TPTE2: variants seen among roughly 807,000 people sequenced by gnomAD.
TPTE2 encodes the protein phosphatidylinositol 3,4,5-trisphosphate 3-phosphatase TPTE2.
Under a neutral mutation model 78.6 loss-of-function variants are expected in TPTE2, and 53 were observed. That is an observed-to-expected ratio of 0.67 (90% confidence interval 0.54 to 0.85). TPTE2 has a LOEUF of 0.85. Ranked by LOEUF, TPTE2 falls within the 40% of genes least tolerant of loss-of-function variation. The pLI is 0.00. For synonymous variants in TPTE2, 175 were observed against 206.2 expected (o/e 0.85, Z 1.30); for missense variants, 461 against 623.0 (o/e 0.74, Z 2.77).
chr13:19,523,996 C>A (rs953195799), intron 1 of TPTE2, among the ~76,000 whole-genome samples: 31 of 152,238 alleles, frequency 2.0e-4, no homozygotes, highest in African/African-American at 7.5e-4. Flanking sequence ...ATAGGAACGT[C>A]AAAATACTTT....
At chr13:19,526,666 A>G (rs1231863641) in intron 1 of TPTE2, among the ~76,000 whole-genome samples, 3 of 152,228 alleles carry the variant, frequency 2.0e-5, no homozygotes, top group African/African-American at 4.8e-5. Context: ...AACCCCCATG[A>G]CACAAAATTT....
intron 1 of TPTE2, among the ~76,000 whole-genome samples, chr13:19,528,384 T>A (rs1349215724): frequency 1.0e-4 from 15 of 147,664 alleles, no homozygotes; most frequent in Middle Eastern, 3.4e-3. Flanking sequence ...CGAAACTCCA[T>A]CTCAAAAAAA....
At chr13:19,435,472 C>T (rs1030982926) in intron 15 of TPTE2, among the ~76,000 whole-genome samples, 17 of 152,074 alleles carry the variant, frequency 1.1e-4, no homozygotes, top group South Asian at 1.0e-3. Context: ...ACGGATGAAA[C>T]GTGGCTGGCG....
At chr13:19,479,429 A>G (rs753421433) in intron 4 of TPTE2, among the ~76,000 whole-genome samples, 4 of 152,190 alleles carry the variant, frequency 2.6e-5, no homozygotes, top group Non-Finnish European at 5.9e-5. Flanking sequence ...TGACTTGCAT[A>G]TCAATAAAAA....
chr13:19,525,930 CA>C (rs1870468004), intron 1 of TPTE2, among the ~76,000 whole-genome samples: 1 of 151,762 alleles, frequency 6.6e-6, no homozygotes, highest in African/African-American at 2.4e-5. Context: ...AGCTAACAAA[CA>C]TGAAAAAATG....
intron 17 of TPTE2, among the ~76,000 whole-genome samples, chr13:19,429,028 T>A (rs1810673224): frequency 6.6e-6 from 1 of 152,220 alleles, no homozygotes; most frequent in Non-Finnish European, 1.5e-5. Flanking sequence ...AGAAACTTCA[T>A]ATATATTATC....
At chr13:19,495,130 A>G (rs893323080) in intron 1 of TPTE2, among the ~76,000 whole-genome samples, 9 of 152,124 alleles carry the variant, frequency 5.9e-5, no homozygotes, top group Admixed American at 3.3e-4. Context: ...CTCATTCTCT[A>G]TCACCTCCAA....
chr13:19,458,650 CT>C, intron 10 of TPTE2: 3 of 494,550 alleles, frequency 6.1e-6, no homozygotes, highest in South Asian at 1.5e-5. Flanking sequence ...GCTTGCCTCC[CT>C]TTTCCACGGT....
At chr13:19,517,475 T>C (rs1483306241) in intron 1 of TPTE2, among the ~76,000 whole-genome samples, 1 of 152,072 alleles carries the variant, frequency 6.6e-6, no homozygotes, top group Non-Finnish European at 1.5e-5. Context: ...TGTCAGTTAG[T>C]GGTCCTTCCA....
intron 7 of TPTE2, 23 bp from the exon 11 acceptor site, chr13:19,465,587 C>A (rs1271120034): frequency 5.8e-6 from 9 of 1,556,510 alleles, no homozygotes; most frequent in Non-Finnish European, 7.8e-6. Flanking sequence ...TTAAAAGATC[C>A]ATTTTTGCTT....
In TPTE2 at chr13:19,535,581, G is replaced by C. The variant is rs1871166187; in HGVS notation, c.-44+1015C>G. Among the ~76,000 whole-genome samples the C allele has an allele frequency of 6.6e-6, 1 of 151,528 alleles. No homozygotes were observed. The highest frequency in any genetic ancestry group is 2.4e-5 in the African/African-American group (1 of 41,278). On this transcript the variant is annotated intron_variant, in intron 1 of 17. Coordinates refer to the TPTE2 transcript ENST00000390680. The surrounding 1 kb of genome is among the most constrained non-coding windows in gnomAD (Gnocchi z 5.1). ...TTTAGATTGATTAATAAGTGACTGA[G>C]GTTCTAAGTAATACTATCTCCAGGA... is the stretch of plus-strand genomic sequence containing the variant.
In TPTE2 at chr13:19,465,395, T is replaced by C. The variant is rs1459940797; in HGVS notation, c.612+70A>G. ...TAAAAAACATTATACAGTATAGATA[T>C]CAACCCTTGCCAATGGGTCCCAAAA... On this transcript the variant is annotated intron_variant, in intron 8 of 19. Transcript: ENST00000400230. 6 of 1,608,968 alleles carry C rather than the reference T, an allele frequency of 3.7e-6. No homozygotes were observed. In the Admixed American group the frequency reaches 5.0e-5, roughly 14 times the overall value.
intron 3 of TPTE2, among the ~76,000 whole-genome samples, chr13:19,487,680 C>A (rs545149890): frequency 2.6e-5 from 4 of 152,066 alleles, no homozygotes; most frequent in African/African-American, 9.7e-5. Context: ...TTTAACCCAC[C>A]CATGTGGGCT....
intron 10 of TPTE2, among the ~76,000 whole-genome samples, chr13:19,453,866 GCTTA>G (rs961528629): frequency 7.2e-5 from 11 of 152,096 alleles, no homozygotes; most frequent in Admixed American, 3.3e-4. Context: ...CCTTTGCATG[GCTTA>G]CTAAGTTTAT....
upstream of TPTE2, chr13:19,503,414 G>A (rs889234124): frequency 1.6e-5 from 14 of 881,734 alleles, no homozygotes; most frequent in Non-Finnish European, 2.4e-5. Flanking sequence ...TATTTGGTCT[G>A]AAATGTCATT....
intron 1 of TPTE2, among the ~76,000 whole-genome samples, chr13:19,517,172 T>C (rs1051953792): frequency 4.6e-5 from 7 of 152,218 alleles, no homozygotes; most frequent in African/African-American, 1.7e-4. Context: ...CTGGGGTCTG[T>C]TCGGCTGCCA....
chr13:19,543,281 G>A, the TPTE2 span, among the ~76,000 whole-genome samples: 1 of 150,852 alleles, frequency 6.6e-6, no homozygotes, highest in South Asian at 2.1e-4. Flanking sequence ...TCGAACTCCT[G>A]ACCTCAGGTG....
intron 10 of TPTE2, among the ~76,000 whole-genome samples, chr13:19,462,406 A>G (rs1430868803): frequency 6.6e-6 from 1 of 151,464 alleles, no homozygotes; most frequent in African/African-American, 2.4e-5. Context: ...TTCCTTCAGT[A>G]CTTTGTGAAT....
intron 4 of TPTE2, 44 bp from the exon 8 acceptor site, chr13:19,475,667 T>C (rs759886067): frequency 6.3e-7 from 1 of 1,584,074 alleles, no homozygotes; most frequent in Non-Finnish European, 8.6e-7. Context: ...TTTCTTCTTA[T>C]ATTGTAAATT....
Sources: gnomAD v4.1 joint callset for allele counts (sites outside exome capture counted in the v4.1 genomes callset) on GRCh38, gnomAD v4.1.1 for gene constraint, Gnocchi (gnomAD v3.1) non-coding constraint, MANE v1.5 for transcripts, NCBI Gene and HGNC (gene_info 2026-07-23, HGNC 2026-07-21) for gene names.